Variants in MAD2L1 observed in about 807,000 individuals in gnomAD.
The protein encoded by MAD2L1 is mitotic arrest deficient 2 like 1, also known as mitotic spindle assembly checkpoint protein MAD2A.
A neutral mutation model predicts 25.9 loss-of-function variants in MAD2L1; 10 were observed. The observed-to-expected ratio is 0.39, with a 90% CI of 0.24 to 0.66. MAD2L1 has a LOEUF of 0.66. Among genes scored for constraint, MAD2L1 ranks in the 30% least tolerant of loss-of-function variants. The probability of loss-of-function intolerance (pLI) is 0.49; values close to 1 mark genes in which losing one functional copy is unlikely to be tolerated. For missense variants in MAD2L1, 180 were observed against 246.4 expected (o/e 0.73, Z 1.80); for synonymous variants, 81 against 91.8 (o/e 0.88, Z 0.67).
At position 120,065,918 on chromosome 4, in the gene MAD2L1, G is replaced by T. The variant is rs1033197040; in HGVS notation, c.74-100C>A. 5.0e-6 allele frequency: 6 copies of T among 1,199,228 alleles called. No individual in the cohort carries two copies. In the Admixed American group the frequency reaches 1.1e-4, roughly 21 times the overall value. The allele number at this position is 1,199,228 out of a possible 1,614,324, so 74.3% of individuals were successfully genotyped here. ...TGCTATATTTTCATTAGGCTATACA[G>T]CTATAAATGACTGAACACACGTGTA... On this transcript the variant is annotated intron_variant, in intron 1 of 4. Coordinates refer to ENST00000296509, the MANE Select transcript of MAD2L1 (RefSeq NM_002358.4).
rs1726154482 is a variant in MAD2L1, at chr4:120,058,794, C to T, written c.*1324G>A. On this transcript the variant is annotated 3_prime_UTR_variant, in exon 5 of 5. Transcript: ENST00000296509. ...AGTCTACAAATTTGTCACTGAGAAC[C>T]CAGAAACTGCCACTGATCCACAGTA... is the stretch of plus-strand genomic sequence containing the variant. 1 of 152,086 alleles carries T rather than the reference C, an allele frequency of 6.6e-6. No individual in the cohort carries two copies. The highest frequency in any genetic ancestry group is 1.5e-5 in the Non-Finnish European group (1 of 68,008). The allele number at this position is 152,086 out of a possible 1,614,324, so 9.4% of individuals were successfully genotyped here.
chr4:120,064,864 A>C (rs568051964), intron 2 of MAD2L1, among the ~76,000 whole-genome samples: 4 of 152,194 alleles, frequency 2.6e-5, no homozygotes, highest in African/African-American at 9.7e-5. Flanking sequence ...GTCAACAACA[A>C]AAGAAATAAT....
At chr4:120,066,426 G>A (rs1426716732) in intron 1 of MAD2L1, among the ~76,000 whole-genome samples, 2 of 152,184 alleles carry the variant, frequency 1.3e-5, no homozygotes, top group Non-Finnish European at 2.9e-5. Context: ...AAAGTAAGGG[G>A]TGGGAGGTGG....
chr4:120,059,436 TA>T lies in MAD2L1; in HGVS notation c.*681del, dbSNP rs1726173328. ...GTATCAAAATGTTTTAAGACAAATT[TA>T]AAACAAACTTAACTTTATTTCCTCA... On this transcript the variant is annotated 3_prime_UTR_variant, in exon 5 of 5. Transcript: ENST00000296509. 6.6e-6 allele frequency: 1 copy of T among 152,172 alleles called. No individual in the cohort carries two copies. Among genetic ancestry groups the T allele is most frequent in the Non-Finnish European group, 1.5e-5 (1 of 68,020 alleles). 9.4% of individuals were successfully genotyped at this position (152,172 alleles called of 1,614,324 possible). A position where few individuals can be genotyped will look rare whatever the true frequency, so the allele number is the denominator to read the frequency against.
intron 2 of MAD2L1, among the ~76,000 whole-genome samples, chr4:120,062,612 A>G (rs1205006419): frequency 4.6e-5 from 7 of 152,220 alleles, no homozygotes; most frequent in Non-Finnish European, 8.8e-5. Flanking sequence ...GCCCACTACA[A>G]GTGCAATCAA....
chr4:120,062,947 G>T (rs959405438), intron 2 of MAD2L1, among the ~76,000 whole-genome samples: 1 of 152,182 alleles, frequency 6.6e-6, no homozygotes, highest in African/African-American at 2.4e-5. Flanking sequence ...AGATTTCATG[G>T]TTAAAACGTA....
chr4:120,056,372 T>C lies in MAD2L1; in HGVS notation c.*3746A>G, dbSNP rs2110506640. ...AATTCCAATGCTGAGTAACCTTGCTTTTCCAATAAGCTTACAGCCTTTAGA... is the reference window on the plus strand; with the variant it reads ...AATTCCAATGCTGAGTAACCTTGCTCTTCCAATAAGCTTACAGCCTTTAGA... On this transcript the variant is annotated 3_prime_UTR_variant, in exon 5 of 5. Transcript: ENST00000296509. 1 of 152,328 alleles carries C rather than the reference T, an allele frequency of 6.6e-6. No individual in the cohort carries two copies. The highest frequency in any genetic ancestry group is 1.9e-4 in the East Asian group (1 of 5,186). The allele number at this position is 152,328 out of a possible 1,614,324, so 9.4% of individuals were successfully genotyped here.
chr4:120,064,902 C>T (rs1179423824), intron 2 of MAD2L1, among the ~76,000 whole-genome samples: 1 of 151,814 alleles, frequency 6.6e-6, no homozygotes, highest in Non-Finnish European at 1.5e-5. Context: ...AAGATGGCTG[C>T]TGTAGTACTT....
At chr4:120,065,096 T>G (rs1268231699) in intron 2 of MAD2L1, among the ~76,000 whole-genome samples, 1 of 152,130 alleles carries the variant, frequency 6.6e-6, no homozygotes, top group African/African-American at 2.4e-5. Flanking sequence ...AAACGAGTGT[T>G]CAGACAGAAA....
At position 120,065,775 on chromosome 4, in the gene MAD2L1, T is replaced by C; in HGVS notation, c.117A>G (p.Pro39=). ...NSILYQRGIY[P]SETFTRVQKY... ...TCTGCACTCGAGTAAAGGTTTCAGA[T>C]GGATATATGCCACGCTGATATAAAA... Residue 39 remains proline, a synonymous_variant, in exon 2 of 5, where the codon CCA becomes CCG. Coordinates refer to ENST00000296509, the MANE Select transcript of MAD2L1 (RefSeq NM_002358.4). The C allele has an allele frequency of 6.2e-7, 1 of 1,613,982 alleles. No individual in the cohort carries two copies. The highest frequency in any genetic ancestry group is 8.5e-7 in the Non-Finnish European group (1 of 1,179,948).
chr4:120,066,593 C>T (rs1226399321), intron 1 of MAD2L1, 69 bp downstream of exon 1: 2 of 1,406,908 alleles, frequency 1.4e-6, no homozygotes, highest in African/African-American at 2.8e-5. Flanking sequence ...TATCAGAGGC[C>T]GAGCTGTGGG....
At chr4:120,062,219 G>A in intron 2 of MAD2L1, 124 bp from the exon 3 acceptor site, 1 of 798,022 alleles carries the variant, frequency 1.3e-6, no homozygotes, top group Non-Finnish European at 2.0e-6. Flanking sequence ...CTCCTCCTAT[G>A]TGCAAGAAAA....
rs1358696569 is a variant in MAD2L1 at position 120,066,821 on chromosome 4, C to T, written c.-87G>A. On this transcript the variant is annotated 5_prime_UTR_variant, in exon 1 of 5. Coordinates refer to ENST00000296509, the MANE Select transcript of MAD2L1 (RefSeq NM_002358.4). ...AACAGCACTTCCCCGCCAAGCGTTT[C>T]AAAAGTAACGACGCAGCACGTCGTC... The T allele has an allele frequency of 3.0e-6, 3 of 998,202 alleles. No homozygotes were observed. The highest frequency in any genetic ancestry group is 4.6e-6 in the Non-Finnish European group (3 of 648,416). The allele number at this position is 998,202 out of a possible 1,614,324, so 61.8% of individuals were successfully genotyped here. A position where few individuals can be genotyped will look rare whatever the true frequency, so the allele number is the denominator to read the frequency against.
chr4:120,058,191 G>T lies in MAD2L1; in HGVS notation c.*1927C>A, dbSNP rs1726142626. ...TATTTCTTAATTGATTATATAATCT[G>T]TAAGGGGTAAAATGACTCATCATGA... On this transcript the variant is annotated 3_prime_UTR_variant, in exon 5 of 5. Coordinates refer to ENST00000296509, the MANE Select transcript of MAD2L1 (RefSeq NM_002358.4). 6.6e-6 allele frequency: 1 copy of T among 152,132 alleles called. No individual in the cohort carries two copies. The allele number at this position is 152,132 out of a possible 1,614,324, so 9.4% of individuals were successfully genotyped here. A position where few individuals can be genotyped will look rare whatever the true frequency, so the allele number is the denominator to read the frequency against.
Position 120,056,756 on chromosome 4 carries a change from G to A in MAD2L1, c.*3362C>T, listed in dbSNP as rs1012312822. ...AAAAGGGTCTCTTTTTTAAAGGAGAGCCCATACCTCTCTTTTTATGGCATC... is the reference window on the plus strand; with the variant it reads ...AAAAGGGTCTCTTTTTTAAAGGAGAACCCATACCTCTCTTTTTATGGCATC... On this transcript the variant is annotated 3_prime_UTR_variant, in exon 5 of 5. Coordinates refer to ENST00000296509, the MANE Select transcript of MAD2L1 (RefSeq NM_002358.4). 1 of 152,094 alleles carries A rather than the reference G, an allele frequency of 6.6e-6. No homozygotes were observed. The highest frequency in any genetic ancestry group is 1.5e-5 in the Non-Finnish European group (1 of 68,022). The allele number at this position is 152,094 out of a possible 1,614,324, so 9.4% of individuals were successfully genotyped here.
At chr4:120,060,345 C>A in intron 4 of MAD2L1, 55 bp from the exon 5 acceptor site, 2 of 1,378,316 alleles carry the variant, frequency 1.5e-6, no homozygotes, top group South Asian at 1.5e-5. Context: ...TAAAACTAAT[C>A]TTGCTGCCTC....
At chr4:120,062,163 TC>T in intron 2 of MAD2L1, 68 bp from the exon 3 acceptor site, 1 of 1,468,798 alleles carries the variant, frequency 6.8e-7, no homozygotes, top group Non-Finnish European at 9.3e-7. Context: ...TCTTCTCGGG[TC>T]CCACTCCCTA....
intron 4 of MAD2L1, among the ~76,000 whole-genome samples, chr4:120,060,500 A>G (rs1438293579): frequency 6.6e-6 from 1 of 152,210 alleles, no homozygotes; most frequent in Non-Finnish European, 1.5e-5. Context: ...ATTGTGTTCA[A>G]GTAACCCTTA....
At position 120,056,303 on chromosome 4, in the gene MAD2L1, C is replaced by T. The variant is rs1726109771; in HGVS notation, c.*3815G>A. 1 of 152,130 alleles carries T rather than the reference C, an allele frequency of 6.6e-6. No homozygotes were observed. Among genetic ancestry groups the T allele is most frequent in the South Asian group, 2.1e-4 (1 of 4,832 alleles). The allele number at this position is 152,130 out of a possible 1,614,324, so 9.4% of individuals were successfully genotyped here. On this transcript the variant is annotated 3_prime_UTR_variant, in exon 5 of 5. Transcript: ENST00000296509. ...TGAAGTGACTAGTAAATAATAAATG[C>T]TAAGTGTTTATTCCCCTAATGTATT... is the stretch of plus-strand genomic sequence containing the variant.
Sources: allele counts gnomAD v4.1 joint callset (sites outside exome capture counted in the v4.1 genomes callset), GRCh38; gene constraint gnomAD v4.1.1; transcripts MANE v1.5; gene names NCBI Gene and HGNC (gene_info 2026-07-23, HGNC 2026-07-21).